RAB3C: variants seen among roughly 807,000 people sequenced by gnomAD.
The protein encoded by RAB3C is RAB3C, member RAS oncogene family, also known as ras-related protein Rab-3C.
In RAB3C, 17 loss-of-function variants were observed where a neutral mutation model predicts 26.4. The observed-to-expected ratio is 0.64, with a 90% CI of 0.44 to 0.97. The LOEUF (loss-of-function observed/expected upper bound fraction) is 0.97, where lower values mean the gene tolerates loss of function less well. Ranked by LOEUF, RAB3C falls within the 50% of genes least tolerant of loss-of-function variation. The pLI is 0.00. For synonymous variants in RAB3C, 91 were observed against 95.9 expected (o/e 0.95, Z 0.30); for missense variants, 242 against 281.9 (o/e 0.86, Z 1.01).
chr5:58,645,901 A>T (rs1250229304), intron 2 of RAB3C, among the ~76,000 whole-genome samples: 1 of 152,066 alleles, frequency 6.6e-6, no homozygotes, highest in East Asian at 1.9e-4. Flanking sequence ...GTAACTAAGG[A>T]CACTCTTTCC....
At chr5:58,596,644 T>A (rs1746268667) in intron 1 of RAB3C, among the ~76,000 whole-genome samples, 1 of 78,176 alleles carries the variant, frequency 1.3e-5, no homozygotes, top group African/African-American at 5.5e-5. Flanking sequence ...TATAAATATA[T>A]AATATATAAT....
intron 3 of RAB3C, among the ~76,000 whole-genome samples, chr5:58,780,053 A>C (rs911298665): frequency 7.2e-5 from 11 of 152,120 alleles, no homozygotes; most frequent in African/African-American, 2.7e-4. Flanking sequence ...GGTCATGAAC[A>C]TCAGAAAGGT....
chr5:58,773,846 T>A (rs1742073059), intron 3 of RAB3C, among the ~76,000 whole-genome samples: 1 of 152,172 alleles, frequency 6.6e-6, no homozygotes, highest in African/African-American at 2.4e-5. Flanking sequence ...TCTGCTTTTT[T>A]TCTGCTTCTG....
intron 2 of RAB3C, among the ~76,000 whole-genome samples, chr5:58,703,425 G>A (rs970727190): frequency 2.0e-5 from 3 of 152,004 alleles, no homozygotes; most frequent in African/African-American, 4.8e-5. Context: ...CAGCTGATCC[G>A]CCTGCCTTGG....
Position 58,693,995 on chromosome 5 carries a change from C to T in RAB3C, c.253-32007C>T, listed in dbSNP as rs148767118. 6.5e-3 allele frequency among the ~76,000 whole-genome samples: 992 copies of T among 152,140 alleles called. 9 individuals are homozygous for T. Among genetic ancestry groups the T allele is most frequent in the African/African-American group, 0.022 (932 of 41,504 alleles). On this transcript the variant is annotated intron_variant, in intron 2 of 4. Coordinates refer to ENST00000282878, the MANE Select transcript of RAB3C (RefSeq NM_138453.4). ...ATGTGCACAACATGCAGGTTTGATA[C>T]GTAGGTATACATGTGCCATGGTGGT...
chr5:58,619,254 A>G (rs577072378), intron 2 of RAB3C, among the ~76,000 whole-genome samples: 1 of 152,278 alleles, frequency 6.6e-6, no homozygotes, highest in South Asian at 2.1e-4. Context: ...TCCCTGCTCC[A>G]TCATTCCCCA....
At chr5:58,701,532 G>A (rs1285987378) in intron 2 of RAB3C, among the ~76,000 whole-genome samples, 1 of 152,094 alleles carries the variant, frequency 6.6e-6, no homozygotes, top group African/African-American at 2.4e-5. Flanking sequence ...TCCTACTACT[G>A]TAACAAATTA....
intron 3 of RAB3C, among the ~76,000 whole-genome samples, chr5:58,802,477 C>G (rs1004751771): frequency 5.3e-5 from 8 of 152,190 alleles, no homozygotes; most frequent in Non-Finnish European, 1.0e-4. Flanking sequence ...CAACTCATAC[C>G]TAACGGCCAC....
At chr5:58,641,459 G>T (rs1271274166) in intron 2 of RAB3C, among the ~76,000 whole-genome samples, 3 of 152,162 alleles carry the variant, frequency 2.0e-5, no homozygotes, top group African/African-American at 7.2e-5. Context: ...GCATGGAAAT[G>T]GGGAACTAAA....
intron 3 of RAB3C, among the ~76,000 whole-genome samples, chr5:58,807,731 AC>A (rs1365051211): frequency 6.6e-6 from 1 of 152,092 alleles, no homozygotes; most frequent in East Asian, 1.9e-4. Flanking sequence ...ACCTCCATAT[AC>A]CATCACATTG....
At chr5:58,832,313 C>A (rs150594942) in intron 4 of RAB3C, among the ~76,000 whole-genome samples, 3,331 of 152,298 alleles carry the variant, frequency 0.022, 58 homozygotes, top group Middle Eastern at 0.041. Flanking sequence ...TGCATAACAA[C>A]CACTGAGCTG....
Position 58,710,790 on chromosome 5 carries a change from CTA to C in RAB3C, c.253-15210_253-15209del, listed in dbSNP as rs896133800. ...ACAGCCAGCTATGTGCTCGCTCTCT[CTA>C]TGGCGTACATGATGAGATGCTGCAG... is the stretch of plus-strand genomic sequence containing the variant. On this transcript the variant is annotated intron_variant, in intron 2 of 4. Coordinates refer to ENST00000282878, the MANE Select transcript of RAB3C (RefSeq NM_138453.4). Among the ~76,000 whole-genome samples, 11 of 152,256 alleles carry C rather than the reference CTA, an allele frequency of 7.2e-5. No homozygotes were observed. The East Asian group carries it at 1.3e-3, about 19-fold the overall frequency.
intron 1 of RAB3C, among the ~76,000 whole-genome samples, chr5:58,592,640 G>GT (rs1746159273): frequency 6.6e-6 from 1 of 151,970 alleles, no homozygotes; most frequent in Non-Finnish European, 1.5e-5. Context: ...TCTGATAATG[G>GT]TTTTTTAAAA....
At chr5:58,719,509 GT>G (rs1399679241) in intron 2 of RAB3C, among the ~76,000 whole-genome samples, 1 of 151,890 alleles carries the variant, frequency 6.6e-6, no homozygotes, top group African/African-American at 2.4e-5. Flanking sequence ...GCAAAGTGGG[GT>G]CAGTGACTGT....
At chr5:58,770,632 TCTTGTTATA>T (rs1296363489) in intron 3 of RAB3C, among the ~76,000 whole-genome samples, 1 of 152,182 alleles carries the variant, frequency 6.6e-6, no homozygotes, top group Non-Finnish European at 1.5e-5. Flanking sequence ...ATAAATGGCA[TCTTGTTATA>T]CTTTGCCTTC....
At chr5:58,825,802 G>T (rs1237884967) in intron 4 of RAB3C, among the ~76,000 whole-genome samples, 1 of 152,120 alleles carries the variant, frequency 6.6e-6, no homozygotes, top group Non-Finnish European at 1.5e-5. Context: ...GAGTGAGAAG[G>T]GTAGAGATTT....
chr5:58,759,592 T>G (rs1741750091), intron 3 of RAB3C, among the ~76,000 whole-genome samples: 1 of 152,234 alleles, frequency 6.6e-6, no homozygotes, highest in African/African-American at 2.4e-5. Context: ...ATTATTTCTG[T>G]CCTATCAAGT....
intron 2 of RAB3C, among the ~76,000 whole-genome samples, chr5:58,710,310 T>C (rs992096171): frequency 4.6e-5 from 7 of 151,974 alleles, no homozygotes; most frequent in African/African-American, 1.7e-4. Context: ...ATCAAGAAGC[T>C]TTTCCAGGCC....
intron 3 of RAB3C, among the ~76,000 whole-genome samples, chr5:58,774,645 G>A (rs2111992211): frequency 6.6e-6 from 1 of 152,156 alleles, no homozygotes; most frequent in Admixed American, 6.6e-5. Flanking sequence ...ACAGGGAATG[G>A]GGGCAGAGTC....
Sources: allele counts gnomAD v4.1 joint callset (sites outside exome capture counted in the v4.1 genomes callset), GRCh38; gene constraint gnomAD v4.1.1; transcripts MANE v1.5; gene names NCBI Gene and HGNC (gene_info 2026-07-23, HGNC 2026-07-21).